The following RAPGEF3 variants were observed in gnomAD, a reference collection of about 807,000 sequenced individuals.
RAPGEF3 encodes Rap guanine nucleotide exchange factor 3.
RAPGEF3 carries 103 observed loss-of-function variants against 129.8 expected under a neutral mutation model. The ratio of observed to expected loss-of-function variants is 0.79; its 90% CI spans 0.68 to 0.93. The LOEUF (loss-of-function observed/expected upper bound fraction) is 0.93. Among genes scored for constraint, RAPGEF3 ranks in the 40% least tolerant of loss-of-function variants. The probability of loss-of-function intolerance (pLI) is 0.00; values close to 1 mark genes in which losing one functional copy is unlikely to be tolerated. For synonymous variants in RAPGEF3, 436 were observed against 482.6 expected (o/e 0.90, Z 1.26); for missense variants, 1,117 against 1,207.4 (o/e 0.93, Z 1.11).
Position 47,750,324 on chromosome 12 carries a change from G to T in RAPGEF3, c.756+17C>A. ...AGATGCCTGGTACGGGGCAGGGCTG[G>T]GAGGGGCAGGACTGACCGAGTTGGA... On this transcript the variant is annotated intron_variant, in intron 7 of 27. Transcript: ENST00000449771. The T allele has an allele frequency of 6.2e-7, 1 of 1,610,150 alleles. No homozygotes were observed. The highest frequency in any genetic ancestry group is 1.1e-5 in the South Asian group (1 of 90,996).
chr12:47,750,047 G>C, intron 7 of RAPGEF3, 57 bp from the exon 8 acceptor site: 1 of 1,598,370 alleles, frequency 6.3e-7, no homozygotes. Flanking sequence ...GAGCAGCCAG[G>C]CTTTTGCTAG....
chr12:47,758,752 G>A lies in RAPGEF3; in HGVS notation c.-196C>T. 7.8e-7 allele frequency: 1 copy of A among 1,289,492 alleles called. No homozygotes were observed. Among genetic ancestry groups the A allele is most frequent in the Non-Finnish European group, 9.8e-7 (1 of 1,016,252 alleles). 79.9% of individuals were successfully genotyped at this position (1,289,492 alleles called of 1,614,324 possible). ...GGGCTCGGTGGAGAGGCTCCTCTTG[G>A]GTGAGTAGAGGGGTGGGGGCGTGGT... On this transcript the variant is annotated 5_prime_UTR_variant, in exon 1 of 28. Coordinates refer to ENST00000449771, the MANE Select transcript of RAPGEF3 (RefSeq NM_001098531.4).
At chr12:47,747,502 G>A (rs373130193) in intron 15 of RAPGEF3, 42 bp downstream of exon 15, 1 of 1,594,214 alleles carries the variant, frequency 6.3e-7, no homozygotes, top group Non-Finnish European at 8.6e-7. Context: ...CCATGGCACT[G>A]CCAGTTATGG....
At position 47,751,218 on chromosome 12, in the gene RAPGEF3, T is replaced by TG. The variant is rs1285036185; in HGVS notation, c.503-3dup. 3 of 1,549,358 alleles carry TG rather than the reference T, an allele frequency of 1.9e-6. No homozygotes were observed. The highest frequency in any genetic ancestry group is 1.7e-6 in the Non-Finnish European group (2 of 1,145,916). ...CCTGGAAGGCCCAGTCGTGTTTCACTGGGGGGCAGAGGCCCAGGCGTGGGG... is the reference window on the plus strand; with the variant it reads ...CCTGGAAGGCCCAGTCGTGTTTCACTGGGGGGGCAGAGGCCCAGGCGTGGGG... On this transcript the variant is annotated splice_polypyrimidine_tract_variant and splice_region_variant and intron_variant, in intron 5 of 27. Coordinates refer to ENST00000449771, the MANE Select transcript of RAPGEF3 (RefSeq NM_001098531.4).
At chr12:47,741,393 C>G (rs1396319718) in intron 19 of RAPGEF3, 112 bp downstream of exon 19, 1 of 1,046,798 alleles carries the variant, frequency 9.6e-7, no homozygotes, top group African/African-American at 1.6e-5. Flanking sequence ...CCAGCAGCAG[C>G]CAGAGCCAGG....
At position 47,751,918 on chromosome 12, in the gene RAPGEF3, G is replaced by C; in HGVS notation, c.271C>G (p.Gln91Glu). The C allele has an allele frequency of 6.2e-7, 1 of 1,614,164 alleles. No homozygotes were observed. The highest frequency in any genetic ancestry group is 8.5e-7 in the Non-Finnish European group (1 of 1,180,024). The change falls in exon 3 of 28, where the codon CAG becomes GAG. Residue 91 changes from glutamine (Q) to glutamate (E), a missense_variant and splice_region_variant. By Grantham distance (29) the Gln-to-Glu change is conservative (BLOSUM62 2). Coordinates refer to ENST00000449771, the MANE Select transcript of RAPGEF3 (RefSeq NM_001098531.4). ...ESLDFSESLE[Q>E]ASTERVLRAG... Reference sequence around the variant, plus strand: ...CTCCACCCTGCCCAGGCTTCTACCTGCTCCAGGCTCTCGCTGAAATCCAGG... The same window carrying C: ...CTCCACCCTGCCCAGGCTTCTACCTCCTCCAGGCTCTCGCTGAAATCCAGG...
In RAPGEF3 at chr12:47,747,829, C is replaced by T. The variant is rs1417585433; in HGVS notation, c.1356G>A (p.Gln452=). 1 of 1,605,096 alleles carries T rather than the reference C, an allele frequency of 6.2e-7. No individual in the cohort carries two copies. Among genetic ancestry groups the T allele is most frequent in the East Asian group, 2.2e-5 (1 of 44,880 alleles). ...FHVEPAGGSE[Q]ERSTYVCNKR... is the part of the protein sequence containing the mutation. ...TGTTGCAGACGTAGGTGCTGCGCTCCTGCTCGCTGCCACCCGCAGGCTCCA... is the reference window on the plus strand; with the variant it reads ...TGTTGCAGACGTAGGTGCTGCGCTCTTGCTCGCTGCCACCCGCAGGCTCCA... Residue 452 remains glutamine, a synonymous_variant, in exon 14 of 28, where the codon CAG becomes CAA. Transcript: ENST00000449771.
intron 2 of RAPGEF3, among the ~76,000 whole-genome samples, chr12:47,754,314 A>C (rs1941926593): frequency 1.3e-5 from 2 of 152,252 alleles, no homozygotes; most frequent in South Asian, 4.1e-4. Flanking sequence ...TGGGCAAGTA[A>C]GTTTGGAAAC....
At position 47,751,638 on chromosome 12, in the gene RAPGEF3, A is replaced by T. The variant is rs900157986; in HGVS notation, c.380+85T>A. On this transcript the variant is annotated intron_variant, in intron 4 of 27. Coordinates refer to ENST00000449771, the MANE Select transcript of RAPGEF3 (RefSeq NM_001098531.4). ...CCTGGTTCGTCCCTGTGCTAGAAGC[A>T]GGGTGAGGCCCAGGTGCCTGACATA... The T allele has an allele frequency of 6.9e-6, 11 of 1,598,568 alleles. No individual in the cohort carries two copies. The Admixed American group carries it at 1.7e-4, about 24-fold the overall frequency.
chr12:47,753,543 AG>A (rs774380858), intron 2 of RAPGEF3, among the ~76,000 whole-genome samples: 3 of 152,204 alleles, frequency 2.0e-5, no homozygotes, highest in Non-Finnish European at 4.4e-5. Context: ...GGAAGTCACT[AG>A]GTGTCCCAAG....
chr12:47,753,095 T>A (rs1024680748), intron 2 of RAPGEF3, among the ~76,000 whole-genome samples: 8 of 152,190 alleles, frequency 5.3e-5, no homozygotes, highest in Admixed American at 5.2e-4. Context: ...ACTTTACAGT[T>A]TACAAAGCAC....
intron 2 of RAPGEF3, among the ~76,000 whole-genome samples, chr12:47,753,548 T>A (rs1941879593): frequency 1.3e-5 from 2 of 152,080 alleles, no homozygotes; most frequent in Non-Finnish European, 2.9e-5. Context: ...TCACTAGGTG[T>A]CCCAAGGGTA....
intron 1 of RAPGEF3, 114 bp from the exon 2 acceptor site, chr12:47,758,192 G>A (rs1208573312): frequency 2.6e-5 from 37 of 1,446,494 alleles, no homozygotes; most frequent in Non-Finnish European, 3.2e-5. Flanking sequence ...CTGGTCAGGC[G>A]GAGGTGCTGC....
intron 19 of RAPGEF3, 139 bp from the exon 20 acceptor site, chr12:47,741,179 T>C: frequency 9.0e-7 from 1 of 1,104,990 alleles, no homozygotes. Flanking sequence ...GTAGAGGGTC[T>C]CTAGGGGCTA....
At chr12:47,738,510 G>A (rs1940938031) in intron 25 of RAPGEF3, among the ~76,000 whole-genome samples, 180 bp downstream of exon 25, 1 of 152,200 alleles carries the variant, frequency 6.6e-6, no homozygotes, top group South Asian at 2.1e-4. Context: ...AGACGTCTGA[G>A]GCTGGCACCC....
chr12:47,749,751 G>T lies in RAPGEF3; in HGVS notation c.884C>A (p.Thr295Asn). The T allele has an allele frequency of 6.2e-7, 1 of 1,614,198 alleles. No homozygotes were observed. Among genetic ancestry groups the T allele is most frequent in the Middle Eastern group, 1.6e-4 (1 of 6,062 alleles). Reference protein sequence around the residue: ...IIWKGSVNVVTHGKGLVTTLH... With the variant: ...IIWKGSVNVVNHGKGLVTTLH... ...GGAGGGAGGGCTCACCTTGCCATGG[G>T]TCACCACGTTGACAGATCCCTTCCA... The change falls in exon 9 of 28, where the codon ACC (threonine) becomes AAC (asparagine). Residue 295 changes from threonine (T) to asparagine (N), a missense_variant. Physicochemically the swap from Thr to Asn is moderately conservative, Grantham distance 65. This residue lies in a region of RAPGEF3 where 107 missense variants were observed against 160.7 expected (regional missense o/e 0.67). Coordinates refer to ENST00000449771, the MANE Select transcript of RAPGEF3 (RefSeq NM_001098531.4). The surrounding 1 kb of genome is among the most constrained non-coding windows in gnomAD (Gnocchi z 4.5).
chr12:47,751,966 G>A lies in RAPGEF3; in HGVS notation c.223C>T (p.Pro75Ser). 6.2e-7 allele frequency: 1 copy of A among 1,614,194 alleles called. No homozygotes were observed. ...AGGGACTCCTCGCTGTTGGTGAGTG[G>A]TGTCTGGGGGCAGCAGGGAAAGCGT... The part of the protein sequence containing the change: ...PSCIQGLRWT[P>S]LTNSEESLDF... The change falls in exon 3 of 28, where the codon CCA becomes TCA. Residue 75 changes from proline to serine, a missense_variant. Pro to Ser is a moderately conservative substitution (Grantham distance 74). This residue lies in a region of RAPGEF3 where 367 missense variants were observed against 373.4 expected (regional missense o/e 0.98). Coordinates refer to ENST00000449771, the MANE Select transcript of RAPGEF3 (RefSeq NM_001098531.4).
Position 47,740,467 on chromosome 12 carries a change from C to G in RAPGEF3, c.2232-72G>C. 18 of 1,531,214 alleles carry G rather than the reference C, an allele frequency of 1.2e-5. 1 individual carries two copies. In the South Asian group the frequency reaches 2.0e-4, roughly 17 times the overall value. 94.9% of individuals were successfully genotyped at this position (1,531,214 alleles called of 1,614,324 possible). ...CCCCTACAGTGCCCCCAGACAACAG[C>G]CAGGCCAGCCTCTGCAGAGATCCAA... On this transcript the variant is annotated intron_variant, in intron 21 of 27. Transcript: ENST00000449771.
chr12:47,751,874 A>G (rs1941773122), intron 3 of RAPGEF3, 42 bp downstream of exon 3: 2 of 1,613,994 alleles, frequency 1.2e-6, no homozygotes, highest in Non-Finnish European at 1.7e-6. Flanking sequence ...TGAACCCCTC[A>G]TGGTGCTGCC....
Sources: gnomAD v4.1 joint callset for allele counts (sites outside exome capture counted in the v4.1 genomes callset) on GRCh38, gnomAD v4.1.1 for gene constraint, gnomAD v4.1.1 regional missense constraint, Gnocchi (gnomAD v3.1) non-coding constraint, MANE v1.5 for transcripts, NCBI Gene and HGNC (gene_info 2026-07-23, HGNC 2026-07-21) for gene names.